DLG2: variants seen among roughly 807,000 people sequenced by gnomAD.
The protein encoded by DLG2 is discs large MAGUK scaffold protein 2.
DLG2 carries 45 observed loss-of-function variants against 132.5 expected under a neutral mutation model. The ratio of observed to expected loss-of-function variants is 0.34; its 90% CI spans 0.27 to 0.44. The LOEUF (loss-of-function observed/expected upper bound fraction) is 0.44, where lower values mean the gene tolerates loss of function less well. Ranked by LOEUF, DLG2 falls within the 20% of genes least tolerant of loss-of-function variation. DLG2 has a pLI of 1.00. For synonymous variants in DLG2, 424 were observed against 419.6 expected, an observed-to-expected ratio of 1.01 and a Z score of -0.13; for missense variants, 1,045 against 1,196.9, an observed-to-expected ratio of 0.87 and a Z score of 1.87.
chr11:83,598,221 T>C (rs962345728), intron 19 of DLG2, among the ~76,000 whole-genome samples: 2 of 152,246 alleles, frequency 1.3e-5, no homozygotes, highest in African/African-American at 4.8e-5. Context: ...CTGGAATACT[T>C]TTCTCAGCTC....
chr11:83,489,271 G>A (rs1272902012), intron 21 of DLG2, among the ~76,000 whole-genome samples: 1 of 151,932 alleles, frequency 6.6e-6, no homozygotes, highest in Non-Finnish European at 1.5e-5. Flanking sequence ...GAGAAACATG[G>A]TAATTCCTAC....
intron 18 of DLG2, chr11:83,725,538 G>T (rs1250908214): frequency 6.6e-6 from 1 of 152,154 alleles, no homozygotes; most frequent in Non-Finnish European, 1.5e-5. Flanking sequence ...ACCTTTTTGC[G>T]TGGCAAAACC....
At chr11:84,002,137 A>C (rs1396178702) in intron 11 of DLG2, among the ~76,000 whole-genome samples, 4 of 152,192 alleles carry the variant, frequency 2.6e-5, no homozygotes, top group African/African-American at 9.6e-5. Context: ...TTGGTTCTTC[A>C]GAAAGAGAAA....
At chr11:84,829,487 A>G (rs1287614089) in intron 6 of DLG2, among the ~76,000 whole-genome samples, 1 of 151,722 alleles carries the variant, frequency 6.6e-6, no homozygotes, top group East Asian at 1.9e-4. Flanking sequence ...AATGATCATG[A>G]ATTATAAAGG....
At chr11:84,192,329 G>C (rs947732138) in intron 8 of DLG2, among the ~76,000 whole-genome samples, 7 of 152,206 alleles carry the variant, frequency 4.6e-5, no homozygotes, top group Non-Finnish European at 7.3e-5. Flanking sequence ...AACATGTTCT[G>C]AGTAAAGTTA....
intron 3 of DLG2, among the ~76,000 whole-genome samples, chr11:85,323,790 T>C (rs1325733046): frequency 6.6e-6 from 1 of 152,266 alleles, no homozygotes; most frequent in Non-Finnish European, 1.5e-5. Flanking sequence ...TCACTTAACA[T>C]AATGTCCTCC....
intron 4 of DLG2, among the ~76,000 whole-genome samples, chr11:85,171,222 G>A (rs1212748645): frequency 6.6e-6 from 1 of 152,158 alleles, no homozygotes; most frequent in East Asian, 1.9e-4. Context: ...CCAGGTTATT[G>A]CATTAGGACT....
In DLG2 at chr11:85,587,174, C is replaced by T. The variant is rs553298056; in HGVS notation, c.40+11483G>A. ...GCTGATGAGTAGAATGTATATTCTG[C>T]GGTTTTGGGGTAGAATGTTCTGTAA... On this transcript the variant is annotated intron_variant, in intron 3 of 27. Transcript: ENST00000376104. 1.1e-4 allele frequency among the ~76,000 whole-genome samples: 16 copies of T among 152,062 alleles called. 1 individual carries two copies. The highest frequency in any genetic ancestry group is 2.9e-4 in the African/African-American group (12 of 41,504).
chr11:83,568,184 T>C (rs1238517575), intron 19 of DLG2, among the ~76,000 whole-genome samples: 2 of 152,012 alleles, frequency 1.3e-5, no homozygotes, highest in Non-Finnish European at 2.9e-5. Flanking sequence ...GTAGTAGCCA[T>C]GGGGATGAGT....
intron 6 of DLG2, among the ~76,000 whole-genome samples, chr11:85,042,101 G>T (rs959517096): frequency 6.6e-6 from 1 of 151,724 alleles, no homozygotes; most frequent in Non-Finnish European, 1.5e-5. Flanking sequence ...AAATAAGTTG[G>T]GTTAAAAAAG....
chr11:83,674,738 G>A (rs2077399102), intron 18 of DLG2, among the ~76,000 whole-genome samples: 2 of 152,202 alleles, frequency 1.3e-5, no homozygotes, highest in African/African-American at 4.8e-5. Flanking sequence ...CAGTGACACA[G>A]CTAGGCTGGG....
intron 22 of DLG2, among the ~76,000 whole-genome samples, chr11:83,473,791 T>C (rs2092345931): frequency 6.6e-6 from 1 of 152,234 alleles, no homozygotes; most frequent in South Asian, 2.1e-4. Context: ...AGTCTATCAA[T>C]GCCAGGTTTT....
intron 7 of DLG2, among the ~76,000 whole-genome samples, chr11:84,530,009 C>T (rs2099331330): frequency 6.6e-6 from 1 of 152,076 alleles, no homozygotes; most frequent in African/African-American, 2.4e-5. Context: ...ATTATCTGAT[C>T]TTCAATAAAG....
chr11:85,276,995 T>C (rs1161552381), intron 4 of DLG2, among the ~76,000 whole-genome samples: 3 of 152,116 alleles, frequency 2.0e-5, no homozygotes, highest in South Asian at 2.1e-4. Flanking sequence ...AAATTCGTGA[T>C]TGATAGACAG....
intron 6 of DLG2, among the ~76,000 whole-genome samples, chr11:85,090,869 T>C (rs1272185546): frequency 6.6e-6 from 1 of 152,232 alleles, no homozygotes; most frequent in Non-Finnish European, 1.5e-5. Flanking sequence ...ACAATTTTGC[T>C]GGTCAGAAAA....
chr11:84,222,738 T>G (rs7925243), intron 8 of DLG2, among the ~76,000 whole-genome samples: 101,294 of 151,974 alleles, frequency 0.67, 34,704 homozygotes, highest in Middle Eastern at 0.78. Context: ...TCTCATCAAT[T>G]TATAAAAATT....
chr11:85,457,037 T>A (rs960898852), intron 3 of DLG2, among the ~76,000 whole-genome samples: 1 of 152,178 alleles, frequency 6.6e-6, no homozygotes, highest in African/African-American at 2.4e-5. Context: ...GGTGTTGAAG[T>A]CCTGTACTCT....
chr11:84,363,628 G>A (rs1342473002), intron 7 of DLG2, among the ~76,000 whole-genome samples: 1 of 151,724 alleles, frequency 6.6e-6, no homozygotes, highest in South Asian at 2.1e-4. Flanking sequence ...TTCTTCTAGG[G>A]TTTTTATGGT....
chr11:85,570,230 T>C lies in DLG2; in HGVS notation c.40+28427A>G, dbSNP rs556438706. 5.9e-5 allele frequency among the ~76,000 whole-genome samples: 9 copies of C among 152,314 alleles called. No individual in the cohort carries two copies. In the South Asian group the frequency reaches 1.9e-3, roughly 32 times the overall value. ...ATGATGATATTAATAAATGTGGTTA[T>C]CTGATATTATATAATGAAATATGTC... On this transcript the variant is annotated intron_variant, in intron 3 of 27. Transcript: ENST00000376104.
Sources: allele counts gnomAD v4.1 joint callset (sites outside exome capture counted in the v4.1 genomes callset), GRCh38; gene constraint gnomAD v4.1.1; transcripts MANE v1.5; gene names NCBI Gene and HGNC (gene_info 2026-07-23, HGNC 2026-07-21).